The following FNDC1 variants were observed in gnomAD, a reference collection of about 807,000 sequenced individuals.
FNDC1 encodes the protein fibronectin type III domain containing 1, also known as fibronectin type III domain-containing protein 1.
Under a neutral mutation model 168.0 loss-of-function variants are expected in FNDC1, and 96 were observed. The observed-to-expected ratio is 0.57, with a 90% confidence interval of 0.48 to 0.68. The LOEUF (loss-of-function observed/expected upper bound fraction) is 0.68. Among genes scored for constraint, FNDC1 ranks in the 30% least tolerant of loss-of-function variants. The pLI is 0.00. For missense variants in FNDC1, 2,587 were observed against 2,482.1 expected (o/e 1.04, Z -0.90); for synonymous variants, 1,099 against 1,025.9 (o/e 1.07, Z -1.36).
At chr6:159,178,460 C>A (rs988135817) in intron 1 of FNDC1, among the ~76,000 whole-genome samples, 1 of 152,112 alleles carries the variant, frequency 6.6e-6, no homozygotes, top group Non-Finnish European at 1.5e-5. Context: ...CCCCTAAAGG[C>A]GGCATTTGCA....
intron 1 of FNDC1, among the ~76,000 whole-genome samples, chr6:159,191,284 C>T (rs962955940): frequency 3.9e-5 from 6 of 152,066 alleles, no homozygotes; most frequent in Non-Finnish European, 8.8e-5. Flanking sequence ...GAGATGGGTC[C>T]TAGGAATCAA....
In FNDC1 at chr6:159,232,597, G is replaced by T. The variant is rs377692454; in HGVS notation, c.2085G>T (p.Ser695=). ...TGCACCCCGGCGCAAAGCCAGCCTC[G>T]CCGGCCCGGAGGACCCCCCATTCAG... ...SSVHPGAKPA[S]PARRTPHSGA... is the part of the protein sequence containing the mutation. The change falls in exon 11 of 23, where the codon TCG becomes TCT. Residue 695 remains serine, a synonymous_variant. Transcript: ENST00000297267. This position sits in a 1 kb window ranked among gnomAD's most constrained non-coding sequence, Gnocchi z 4.9. 121 of 1,608,024 alleles carry T rather than the reference G, an allele frequency of 7.5e-5. No individual in the cohort carries two copies. The Middle Eastern group carries it at 3.3e-3, about 44-fold the overall frequency.
rs771300833 is a variant in FNDC1 at position 159,200,525 on chromosome 6, T to C, written c.404T>C (p.Ile135Thr). Reference sequence around the variant, plus strand: ...TTCCCTAATTTAGGAGGTGAATGGATCGAGATTGATGGTTTTCCCATTAAG... The same window carrying C: ...TTCCCTAATTTAGGAGGTGAATGGACCGAGATTGATGGTTTTCCCATTAAG... ...RAESPPGGEWIEIDGFPIKGP... is the reference protein window; with the variant it reads ...RAESPPGGEWTEIDGFPIKGP... Residue 135 changes from isoleucine (I) to threonine (T), a missense_variant, in exon 4 of 23, where the codon ATC becomes ACC. Transcript: ENST00000297267. 9 of 1,599,258 alleles carry C rather than the reference T, an allele frequency of 5.6e-6. No homozygotes were observed. Among genetic ancestry groups the C allele is most frequent in the Non-Finnish European group, 7.7e-6 (9 of 1,172,138 alleles).
At chr6:159,257,936 G>T (rs1174018592) in intron 18 of FNDC1, among the ~76,000 whole-genome samples, 3 of 140,138 alleles carry the variant, frequency 2.1e-5, no homozygotes, top group Non-Finnish European at 3.0e-5. Flanking sequence ...CGAGTGCAGA[G>T]TGACAATGCT....
At chr6:159,217,095 T>C (rs1049363316) in intron 5 of FNDC1, among the ~76,000 whole-genome samples, 3 of 152,236 alleles carry the variant, frequency 2.0e-5, no homozygotes, top group Admixed American at 1.3e-4. Flanking sequence ...TGGCACCCAT[T>C]GCGTGGCACC....
chr6:159,181,455 G>A (rs915711692), intron 1 of FNDC1, among the ~76,000 whole-genome samples: 3 of 152,192 alleles, frequency 2.0e-5, no homozygotes, highest in East Asian at 1.9e-4. Context: ...CATCTTCTGC[G>A]GGCAGGGCAC....
At chr6:159,266,339 G>T in intron 21 of FNDC1, 94 bp downstream of exon 21, 1 of 1,302,754 alleles carries the variant, frequency 7.7e-7, no homozygotes, top group Non-Finnish European at 1.1e-6. Context: ...GAATGTTTAT[G>T]AGGGCTGGAG....
At chr6:159,261,121 G>A in intron 18 of FNDC1, 69 bp from the exon 19 acceptor site, 2 of 1,197,746 alleles carry the variant, frequency 1.7e-6, no homozygotes, top group Admixed American at 1.8e-5. Context: ...TCAGTAGTTT[G>A]GGAGTCTGTT....
chr6:159,271,601 A>ACG lies in FNDC1; in HGVS notation c.*159_*160insCG. 1 of 594,280 alleles carries ACG rather than the reference A, an allele frequency of 1.7e-6. No homozygotes were observed. Among genetic ancestry groups the ACG allele is most frequent in the Admixed American group, 2.8e-5 (1 of 35,920 alleles). 36.8% of individuals were successfully genotyped at this position (594,280 alleles called of 1,614,324 possible). On this transcript the variant is annotated 3_prime_UTR_variant, in exon 23 of 23. Transcript: ENST00000297267. ...GGCCATTCTGGTCATCTCAGTCTGG[A>ACG]ACTCAGTCCCACTTCTTGGCCTGGA...
chr6:159,190,789 A>G (rs1031935695), intron 1 of FNDC1, among the ~76,000 whole-genome samples: 1 of 152,254 alleles, frequency 6.6e-6, no homozygotes, highest in African/African-American at 2.4e-5. Flanking sequence ...TGCTTCATAC[A>G]TTTAGCCTGG....
At chr6:159,247,186 C>T (rs1777156070) in intron 15 of FNDC1, among the ~76,000 whole-genome samples, 1 of 152,154 alleles carries the variant, frequency 6.6e-6, no homozygotes, top group Non-Finnish European at 1.5e-5. Context: ...GTGCTTAACA[C>T]GTAGATGCAG....
intron 1 of FNDC1, among the ~76,000 whole-genome samples, chr6:159,178,529 G>A (rs1333685857): frequency 1.3e-5 from 2 of 152,068 alleles, no homozygotes; most frequent in Non-Finnish European, 2.9e-5. Flanking sequence ...TCTCTGAGAA[G>A]GCCCCTGTGC....
At chr6:159,269,593 GTCTGTCTATCTATCTATCTATCTATCTA>G (rs1233810047) in intron 22 of FNDC1, among the ~76,000 whole-genome samples, 23 of 122,100 alleles carry the variant, frequency 1.9e-4, no homozygotes, top group African/African-American at 5.5e-4. Context: ...CTGTCTGTCT[GTCTGTCTATCTATCTATCTATCTATCTA>G]TCTATCTATC....
intron 9 of FNDC1, among the ~76,000 whole-genome samples, chr6:159,228,966 A>C (rs1352605166): frequency 6.6e-6 from 1 of 152,162 alleles, no homozygotes; most frequent in Non-Finnish European, 1.5e-5. Context: ...GTGAGCAACC[A>C]TGCCCAGCCC....
intron 18 of FNDC1, among the ~76,000 whole-genome samples, chr6:159,258,142 A>T (rs1211635154): frequency 6.6e-6 from 1 of 152,148 alleles, no homozygotes; most frequent in Non-Finnish European, 1.5e-5. Context: ...TTTACTTGTT[A>T]TTTCAACAGG....
At position 159,197,519 on chromosome 6, in the gene FNDC1, C is replaced by G; in HGVS notation, c.198C>G (p.Thr66=). The G allele has an allele frequency of 6.2e-7, 1 of 1,613,940 alleles. No individual in the cohort carries two copies. Among genetic ancestry groups the G allele is most frequent in the African/African-American group, 1.3e-5 (1 of 75,046 alleles). The change falls in exon 2 of 23, where the codon ACC becomes ACG. Residue 66 remains threonine, a synonymous_variant. Transcript: ENST00000297267. ...KVTWDPPKDA[T]SRPVEHYNIA... is the part of the protein sequence containing the mutation. ...CGTGGGACCCACCCAAAGATGCTAC[C>G]AGTAGACCTGTGGAGCATTACAACA...
rs553772605 is a variant in FNDC1, at chr6:159,246,946, A to T, written c.4667A>T (p.Glu1556Val). 20 of 1,612,542 alleles carry T rather than the reference A, an allele frequency of 1.2e-5. No individual in the cohort carries two copies. In the African/African-American group the frequency reaches 2.1e-4, roughly 17 times the overall value. ...LETDTAVPTEEAYVIYDEDYE... is the reference protein window; with the variant it reads ...LETDTAVPTEVAYVIYDEDYE... ...ACTGACACTGCAGTACCTACGGAAG[A>T]GGCCTACGTTATATATGATGAAGGT... The change falls in exon 15 of 23, where the codon GAG becomes GTG. Residue 1556 changes from glutamate (E) to valine (V), a missense_variant. Transcript: ENST00000297267.
In FNDC1 at chr6:159,245,865, C is replaced by T. The variant is rs1173745002; in HGVS notation, c.4622-1036C>T. 2.0e-4 allele frequency among the ~76,000 whole-genome samples: 6 copies of T among 29,478 alleles called. 3 individuals are homozygous for T. Among genetic ancestry groups the T allele is most frequent in the Non-Finnish European group, 5.1e-4 (6 of 11,790 alleles). The allele number at this position is 29,478 out of a possible 152,430, so 19.3% of individuals were successfully genotyped here. ...CCGGGTTCACGCCATTCTCCTGCCT[C>T]AGCCTCCCGAGTAGCTGGGACTATA... On this transcript the variant is annotated intron_variant, in intron 14 of 22. Transcript: ENST00000297267.
intron 15 of FNDC1, among the ~76,000 whole-genome samples, chr6:159,248,097 C>CA (rs1169526552): frequency 4.6e-5 from 7 of 152,096 alleles, no homozygotes; most frequent in African/African-American, 1.4e-4. Context: ...GGTTTTCAAA[C>CA]AAAAACTGAC....
Sources: allele counts gnomAD v4.1 joint callset (sites outside exome capture counted in the v4.1 genomes callset), GRCh38; gene constraint gnomAD v4.1.1; non-coding constraint Gnocchi (gnomAD v3.1); transcripts MANE v1.5; gene names NCBI Gene and HGNC (gene_info 2026-07-23, HGNC 2026-07-21).